The following CARD14 variants were observed in gnomAD, a reference collection of about 807,000 sequenced individuals.
The protein encoded by CARD14 is caspase recruitment domain family member 14.
Under a neutral mutation model 111.5 loss-of-function variants are expected in CARD14, and 107 were observed. That is an observed-to-expected ratio of 0.96 (90% CI 0.82 to 1.13). The LOEUF (loss-of-function observed/expected upper bound fraction) is 1.13. CARD14 is among the 50% of genes most tolerant of loss of function. The pLI, the probability that CARD14 is intolerant of heterozygous loss-of-function variation, is 0.00. For synonymous variants in CARD14, 617 were observed against 579.6 expected (o/e 1.06, Z -0.93); for missense variants, 1,322 against 1,362.3 (o/e 0.97, Z 0.47).
chr17:80,171,876 G>C (rs923658572), intron 1 of CARD14, among the ~76,000 whole-genome samples: 4 of 152,364 alleles, frequency 2.6e-5, no homozygotes, highest in Admixed American at 1.3e-4. Flanking sequence ...GCTCGGGCAA[G>C]TCAGGGGCAG....
intron 2 of CARD14, among the ~76,000 whole-genome samples, chr17:80,176,804 T>C (rs2040036098): frequency 6.6e-6 from 1 of 152,204 alleles, no homozygotes; most frequent in Non-Finnish European, 1.5e-5. Context: ...GGGCAGAGGA[T>C]CATTCTGACT....
rs924512384 is a variant in CARD14 at position 80,201,783 on chromosome 17, C to T, written c.1891C>T (p.Leu631=). ...EASEPLFKAV[L]EDTTLEEAVG... is the part of the protein sequence containing the mutation. The stretch of plus-strand genomic sequence containing the variant: ...CTCAGAGCCCTTGTTCAAGGCAGTC[C>T]TGGAGGACACGACCCTGGAGGAGGC... Residue 631 remains leucine, a synonymous_variant, in exon 17 of 24, where the codon CTG becomes TTG. Coordinates refer to ENST00000648509, the MANE Select transcript of CARD14 (RefSeq NM_001366385.1). This position sits in a 1 kb window ranked among gnomAD's most constrained non-coding sequence, Gnocchi z 5.0. 2 of 1,613,898 alleles carry T rather than the reference C, an allele frequency of 1.2e-6. No homozygotes were observed. The highest frequency in any genetic ancestry group is 2.7e-5 in the African/African-American group (2 of 74,918).
chr17:80,173,911 A>G (rs2039967703), intron 2 of CARD14, among the ~76,000 whole-genome samples: 1 of 152,092 alleles, frequency 6.6e-6, no homozygotes, highest in South Asian at 2.1e-4. Context: ...AATATTTTTT[A>G]ATTGTTAAAA....
chr17:80,204,417 T>C lies in CARD14; in HGVS notation c.2398+76T>C, dbSNP rs2041163687. On this transcript the variant is annotated intron_variant, in intron 20 of 23. Coordinates refer to ENST00000648509, the MANE Select transcript of CARD14 (RefSeq NM_001366385.1). ...GGCTTTGGGAGCTGCTGCTAGTTGG[T>C]CAGCTGGGGCAGGGGGATGCCACTC... 3 of 1,399,536 alleles carry C rather than the reference T, an allele frequency of 2.1e-6. No homozygotes were observed. In the East Asian group the frequency reaches 7.7e-5, roughly 36 times the overall value. 86.7% of individuals were successfully genotyped at this position (1,399,536 alleles called of 1,614,324 possible).
rs1038579161 is a variant in CARD14 at position 80,189,270 on chromosome 17, C to T, written c.844-483C>T. Among the ~76,000 whole-genome samples, 5 of 152,196 alleles carry T rather than the reference C, an allele frequency of 3.3e-5. No homozygotes were observed. In the East Asian group the frequency reaches 7.7e-4, roughly 23 times the overall value. On this transcript the variant is annotated intron_variant, in intron 8 of 23. Transcript: ENST00000648509. The surrounding 1 kb of genome is among the most constrained non-coding windows in gnomAD (Gnocchi z 4.7). ...CTGAAGTGGAGCAGTGAGTGAGCAA[C>T]GACCCTTGGCGTCTCCTCCTCGGCC...
chr17:80,181,690 G>A (rs775216045), intron 5 of CARD14, 41 bp downstream of exon 5: 9 of 1,504,326 alleles, frequency 6.0e-6, no homozygotes, highest in South Asian at 3.7e-5. Flanking sequence ...CCAGCTTCCC[G>A]TGGCCCACAT....
At position 80,195,752 on chromosome 17, in the gene CARD14, G is replaced by C; in HGVS notation, c.1594+100G>C. 1 of 973,994 alleles carries C rather than the reference G, an allele frequency of 1.0e-6. No individual in the cohort carries two copies. Among genetic ancestry groups the C allele is most frequent in the Non-Finnish European group, 1.5e-6 (1 of 651,904 alleles). 60.3% of individuals were successfully genotyped at this position (973,994 alleles called of 1,614,324 possible). A position where few individuals can be genotyped will look rare whatever the true frequency, so the allele number is the denominator to read the frequency against. ...GGGGCCTCTCTCCAGGGAAAGGGCA[G>C]ATAGAAGCAGAGCTCAACTTCTGCC... On this transcript the variant is annotated intron_variant, in intron 14 of 23. Transcript: ENST00000648509. This position sits in a 1 kb window ranked among gnomAD's most constrained non-coding sequence, Gnocchi z 4.7.
chr17:80,195,621 A>T lies in CARD14; in HGVS notation c.1563A>T (p.Pro521=), dbSNP rs1177477349. 2.5e-6 allele frequency: 4 copies of T among 1,613,346 alleles called. No individual in the cohort carries two copies. The highest frequency in any genetic ancestry group is 3.4e-6 in the Non-Finnish European group (4 of 1,179,900). The part of the protein sequence containing the change: ...GALPGAKAGD[P]HLDYELLDTA... ...TGCCGGGAGCTAAGGCAGGCGACCC[A>T]CACCTGGATTATGAGCTCCTAGACA... The change falls in exon 14 of 24, where the codon CCA becomes CCT. Residue 521 remains proline (P), a synonymous_variant. Transcript: ENST00000648509. The surrounding 1 kb of genome is among the most constrained non-coding windows in gnomAD (Gnocchi z 4.7).
chr17:80,190,637 A>C, intron 9 of CARD14, 137 bp from the exon 10 acceptor site: 1 of 834,810 alleles, frequency 1.2e-6, no homozygotes. Context: ...AAAGAGAGAG[A>C]GAGACGAGTG....
At chr17:80,185,678 G>A (rs916098966) in intron 7 of CARD14, among the ~76,000 whole-genome samples, 1 of 152,164 alleles carries the variant, frequency 6.6e-6, no homozygotes, top group African/African-American at 2.4e-5. Context: ...CCCCAGCCCA[G>A]GGTCGGGCCC....
At chr17:80,187,769 G>A in intron 7 of CARD14, 1 of 985,458 alleles carries the variant, frequency 1.0e-6, no homozygotes, top group East Asian at 1.1e-4. Context: ...GCGGGCCCGT[G>A]GCTCGAGCTC....
chr17:80,179,416 A>C (rs1482843979), intron 4 of CARD14, 115 bp downstream of exon 4: 1 of 152,262 alleles, frequency 6.6e-6, no homozygotes, highest in South Asian at 2.1e-4. Flanking sequence ...ACAGCCTTGC[A>C]CAGAACGATA....
Position 80,202,210 on chromosome 17 carries a change from C to G in CARD14, c.2009C>G (p.Ala670Gly). Residue 670 changes from alanine (A) to glycine (G), a missense_variant, in exon 18 of 24, where the codon GCC becomes GGC. Transcript: ENST00000648509. The stretch of plus-strand genomic sequence containing the variant: ...AAGAGGCTACTCCAGGACCTGGAGG[C>G]CAAAGTGGCGACCTCGGGGGACTCA... ...GYKRLLQDLE[A>G]KVATSGDSFY... 1.9e-6 allele frequency: 3 copies of G among 1,613,944 alleles called. No individual in the cohort carries two copies. The highest frequency in any genetic ancestry group is 2.5e-6 in the Non-Finnish European group (3 of 1,180,002).
chr17:80,205,273 T>TCCTTCCTCC (rs1320261227), intron 21 of CARD14, 68 bp downstream of exon 21: 1 of 1,105,036 alleles, frequency 9.0e-7, no homozygotes, highest in Non-Finnish European at 1.2e-6. Context: ...CCTTCCTCCC[T>TCCTTCCTCC]CCTTCCTCCC....
intron 2 of CARD14, among the ~76,000 whole-genome samples, chr17:80,174,989 T>A (rs1458057049): frequency 1.3e-5 from 2 of 152,096 alleles, no homozygotes; most frequent in Non-Finnish European, 2.9e-5. Flanking sequence ...TTCTTTTTTT[T>A]TTTTAAGACA....
intron 2 of CARD14, among the ~76,000 whole-genome samples, chr17:80,176,980 A>G (rs1438713092): frequency 6.6e-6 from 1 of 152,264 alleles, no homozygotes; most frequent in East Asian, 1.9e-4. Flanking sequence ...GTCATAAATT[A>G]CCACAAACTG....
Position 80,198,689 on chromosome 17 carries a change from G to T in CARD14, c.1851+98G>T. 6.2e-7 allele frequency: 1 copy of T among 1,604,322 alleles called. No individual in the cohort carries two copies. ...GCAGACTTCACCTCCCCCAGACGAT[G>T]CAGATCCACTCTGGGCTGGGCCTCT... On this transcript the variant is annotated intron_variant, in intron 16 of 23. Coordinates refer to ENST00000648509, the MANE Select transcript of CARD14 (RefSeq NM_001366385.1). This position sits in a 1 kb window ranked among gnomAD's most constrained non-coding sequence, Gnocchi z 7.5.
chr17:80,176,216 G>T (rs184300402), intron 2 of CARD14, among the ~76,000 whole-genome samples: 184 of 149,978 alleles, frequency 1.2e-3, no homozygotes, highest in African/African-American at 4.3e-3. Context: ...GATCACTTGA[G>T]CCTAGGAGTT....
At position 80,205,539 on chromosome 17, in the gene CARD14, A is replaced by G. The variant is rs1473634442; in HGVS notation, c.2578A>G (p.Ser860Gly). The change falls in exon 22 of 24, where the codon AGC becomes GGC. Residue 860 changes from serine (S) to glycine (G), a missense_variant. By Grantham distance (56) the Ser-to-Gly change is moderately conservative. Transcript: ENST00000648509. Reference sequence around the variant, plus strand: ...TCCAATGTCACCTGTAGAGTACTTGAGCCAGGAGGAGTATGAGGCCTGGAG... The same window carrying G: ...TCCAATGTCACCTGTAGAGTACTTGGGCCAGGAGGAGTATGAGGCCTGGAG... ...GFKKCLAEYLSQEEYEAWSQR... is the reference protein window; with the variant it reads ...GFKKCLAEYLGQEEYEAWSQR... The G allele has an allele frequency of 3.2e-6, 5 of 1,585,834 alleles. No homozygotes were observed. In the African/African-American group the frequency reaches 5.4e-5, roughly 17 times the overall value.
Sources: gnomAD v4.1 joint callset for allele counts (sites outside exome capture counted in the v4.1 genomes callset) on GRCh38, gnomAD v4.1.1 for gene constraint, Gnocchi (gnomAD v3.1) non-coding constraint, MANE v1.5 for transcripts, NCBI Gene and HGNC (gene_info 2026-07-23, HGNC 2026-07-21) for gene names.